EEFSEC: variants seen among roughly 807,000 people sequenced by gnomAD.
The protein encoded by EEFSEC is selenocysteine-specific elongation factor.
Under a neutral mutation model 42.1 loss-of-function variants are expected in EEFSEC, and 43 were observed. The ratio of observed to expected loss-of-function variants is 1.02; its 90% CI spans 0.80 to 1.32. The LOEUF is 1.32. Among genes scored for constraint, EEFSEC ranks in the 40% most tolerant of loss-of-function variants. EEFSEC has a pLI of 0.00. For missense variants in EEFSEC, 745 were observed against 803.6 expected, an observed-to-expected ratio of 0.93 and a Z score of 0.88; for synonymous variants, 354 against 339.1, an observed-to-expected ratio of 1.04 and a Z score of -0.48.
At chr3:128,417,456 A>T in the EEFSEC span, among the ~76,000 whole-genome samples, 1 of 151,582 alleles carries the variant, frequency 6.6e-6, no homozygotes, top group Non-Finnish European at 1.5e-5. The surrounding 1 kb of genome is among the most constrained non-coding windows in gnomAD (Gnocchi z 4.3). Flanking sequence ...GAGCAGCCCC[A>T]TTGCCCCCAG....
chr3:128,354,446 G>A (rs2067427409), intron 5 of EEFSEC, among the ~76,000 whole-genome samples: 1 of 152,154 alleles, frequency 6.6e-6, no homozygotes, highest in South Asian at 2.1e-4. Context: ...GGGAATGTAG[G>A]TCAGTGAACC....
intron 4 of EEFSEC, among the ~76,000 whole-genome samples, chr3:128,312,156 G>A (rs1312280570): frequency 6.6e-6 from 1 of 152,212 alleles, no homozygotes; most frequent in Non-Finnish European, 1.5e-5. Flanking sequence ...TTGAGAAAGG[G>A]AAAGACCCCA....
At chr3:128,218,582 A>G (rs1222890940) in intron 1 of EEFSEC, among the ~76,000 whole-genome samples, 2 of 152,174 alleles carry the variant, frequency 1.3e-5, no homozygotes, top group Non-Finnish European at 2.9e-5. Flanking sequence ...GTATGTTTCC[A>G]GAGGCTTGGG....
chr3:128,277,769 G>A (rs1187226667), intron 4 of EEFSEC, among the ~76,000 whole-genome samples: 3 of 152,240 alleles, frequency 2.0e-5, no homozygotes, highest in African/African-American at 7.2e-5. Context: ...GCCTGAGATG[G>A]GGCCTTCCCA....
Position 128,317,162 on chromosome 3 carries a change from CA to C in EEFSEC, c.787-24069del, listed in dbSNP as rs1281362694. 6.6e-6 allele frequency among the ~76,000 whole-genome samples: 1 copy of C among 152,178 alleles called. No individual in the cohort carries two copies. The highest frequency in any genetic ancestry group is 1.9e-4 in the East Asian group (1 of 5,184). ...CCAGTAACCCTTTGGTACCAGGCCTCAATAGGGCAGCAAGGGCCCCGCAGAA... is the reference window on the plus strand; with the variant it reads ...CCAGTAACCCTTTGGTACCAGGCCTCATAGGGCAGCAAGGGCCCCGCAGAA... On this transcript the variant is annotated intron_variant, in intron 4 of 6. Coordinates refer to ENST00000254730, the MANE Select transcript of EEFSEC (RefSeq NM_021937.5). This position sits in a 1 kb window ranked among gnomAD's most constrained non-coding sequence, Gnocchi z 4.1.
At chr3:128,169,160 G>C (rs2065269879) in intron 1 of EEFSEC, among the ~76,000 whole-genome samples, 1 of 152,190 alleles carries the variant, frequency 6.6e-6, no homozygotes, top group Non-Finnish European at 1.5e-5. Flanking sequence ...ATGGATGTGG[G>C]GCATCTACTT....
chr3:128,203,279 T>G (rs2065660917), intron 1 of EEFSEC, among the ~76,000 whole-genome samples: 1 of 152,208 alleles, frequency 6.6e-6, no homozygotes, highest in South Asian at 2.1e-4. Flanking sequence ...TAGTGATGCT[T>G]ATATCATGGC....
intron 6 of EEFSEC, among the ~76,000 whole-genome samples, chr3:128,383,753 G>A (rs1388911696): frequency 6.6e-6 from 1 of 152,232 alleles, no homozygotes; most frequent in African/African-American, 2.4e-5. Flanking sequence ...GGGACAGGAG[G>A]GGCTCAGACT....
intron 4 of EEFSEC, among the ~76,000 whole-genome samples, chr3:128,331,654 T>C (rs1436392866): frequency 6.6e-6 from 1 of 152,034 alleles, no homozygotes; most frequent in Non-Finnish European, 1.5e-5. Context: ...CCCTAGGAGT[T>C]GTGGGTGGGA....
intron 2 of EEFSEC, among the ~76,000 whole-genome samples, chr3:128,261,158 G>A (rs1436584605): frequency 6.6e-6 from 1 of 152,222 alleles, no homozygotes; most frequent in Non-Finnish European, 1.5e-5. Flanking sequence ...GTGACAAAGA[G>A]ACTGAGAGCC....
At chr3:128,257,489 T>C (rs1361705420) in intron 2 of EEFSEC, among the ~76,000 whole-genome samples, 1 of 152,224 alleles carries the variant, frequency 6.6e-6, no homozygotes, top group Non-Finnish European at 1.5e-5. Flanking sequence ...CCGAATGCAG[T>C]GCACTGCCCA....
intron 1 of EEFSEC, among the ~76,000 whole-genome samples, chr3:128,213,088 G>C (rs2065775866): frequency 6.6e-6 from 1 of 152,224 alleles, no homozygotes; most frequent in African/African-American, 2.4e-5. Context: ...TTGCCTCATG[G>C]GTGGTATTTC....
intron 1 of EEFSEC, among the ~76,000 whole-genome samples, chr3:128,177,046 G>T (rs1413877254): frequency 6.6e-6 from 1 of 151,428 alleles, no homozygotes; most frequent in Non-Finnish European, 1.5e-5. Flanking sequence ...ACCCAGGCTG[G>T]AGTGCGGTAG....
chr3:128,184,232 C>G (rs1015441765), intron 1 of EEFSEC, among the ~76,000 whole-genome samples: 3 of 152,158 alleles, frequency 2.0e-5, no homozygotes, highest in Non-Finnish European at 4.4e-5. Context: ...GTATACAGTT[C>G]AGTGGCATTA....
chr3:128,265,916 G>A (rs1239839591), intron 4 of EEFSEC, among the ~76,000 whole-genome samples: 1 of 152,194 alleles, frequency 6.6e-6, no homozygotes, highest in Non-Finnish European at 1.5e-5. Context: ...ACCAACTAAT[G>A]CACCTAGTAT....
At chr3:128,290,222 T>C (rs2066628536) in intron 4 of EEFSEC, among the ~76,000 whole-genome samples, 2 of 152,192 alleles carry the variant, frequency 1.3e-5, no homozygotes, top group South Asian at 4.1e-4. Flanking sequence ...TTAGCTTTTA[T>C]GTTTAGGTCT....
At chr3:128,260,595 C>A (rs1023260652) in intron 2 of EEFSEC, among the ~76,000 whole-genome samples, 1 of 152,142 alleles carries the variant, frequency 6.6e-6, no homozygotes, top group African/African-American at 2.4e-5. Flanking sequence ...AAATCATGAT[C>A]GTTCTCTGGA....
intron 6 of EEFSEC, among the ~76,000 whole-genome samples, chr3:128,380,439 C>T (rs1352319221): frequency 1.3e-5 from 2 of 152,220 alleles, no homozygotes. Flanking sequence ...CTTCACCTCT[C>T]TTCACACCCT....
chr3:128,348,250 A>ATG (rs1310794667), intron 5 of EEFSEC, among the ~76,000 whole-genome samples: 2,232 of 113,656 alleles, frequency 0.02, 61 homozygotes, highest in African/African-American at 0.081. Context: ...CAAAGTGTGC[A>ATG]TGCGTGTGTG....
Sources: gnomAD v4.1 joint callset for allele counts (sites outside exome capture counted in the v4.1 genomes callset) on GRCh38, gnomAD v4.1.1 for gene constraint, Gnocchi (gnomAD v3.1) non-coding constraint, MANE v1.5 for transcripts, NCBI Gene and HGNC (gene_info 2026-07-23, HGNC 2026-07-21) for gene names.